Variants in TMPRSS9 observed in about 807,000 individuals in gnomAD.
TMPRSS9 encodes the protein transmembrane serine protease 9, also known as transmembrane protease serine 9.
Under a neutral mutation model 111.4 loss-of-function variants are expected in TMPRSS9, and 113 were observed. The ratio of observed to expected loss-of-function variants is 1.01; its 90% CI spans 0.87 to 1.19. The LOEUF (loss-of-function observed/expected upper bound fraction) is 1.19. Among genes scored for constraint, TMPRSS9 ranks in the 50% most tolerant of loss-of-function variants. The pLI is 0.00. For missense variants in TMPRSS9, 1,803 were observed against 1,513.1 expected (o/e 1.19, Z -3.18); for synonymous variants, 805 against 659.1 (o/e 1.22, Z -3.39).
intron 1 of TMPRSS9, among the ~76,000 whole-genome samples, chr19:2,368,783 T>TTTTTTTTTTTTG: frequency 9.2e-6 from 1 of 108,502 alleles, no homozygotes; most frequent in African/African-American, 4.8e-5. Flanking sequence ...AGTTTTTTTT[T>TTTTTTTTTTTTG]TTTTTTTTTT....
chr19:2,426,250 C>G (rs968882717), downstream of TMPRSS9: 2 of 379,392 alleles, frequency 5.3e-6, no homozygotes, highest in African/African-American at 7.6e-5. Context: ...TAAACACAGC[C>G]CCTCCACCCT....
At chr19:2,405,170 C>G (rs111236293) in intron 6 of TMPRSS9, among the ~76,000 whole-genome samples, 6,435 of 152,126 alleles carry the variant, frequency 0.042, 165 homozygotes, top group Non-Finnish European at 0.05. Flanking sequence ...AATGCTTGAC[C>G]TACGTGCCAG....
At chr19:2,420,555 C>A (rs1274127019) in intron 13 of TMPRSS9, among the ~76,000 whole-genome samples, 1 of 152,040 alleles carries the variant, frequency 6.6e-6, no homozygotes, top group Non-Finnish European at 1.5e-5. Context: ...CATTCACACA[C>A]AGTAGTTAAA....
chr19:2,386,399 G>A (rs1280529191), upstream of TMPRSS9, among the ~76,000 whole-genome samples: 1 of 152,070 alleles, frequency 6.6e-6, no homozygotes, highest in East Asian at 1.9e-4. Context: ...CAGCTACTTG[G>A]GAGGCTGAGG....
rs771305642 is a variant in TMPRSS9, at chr19:2,411,299, C to CAAAA, written c.1254+936_1254+939dup. ...TGGGCGACAAAGCAAGACTCTGTCT[C>CAAAA]AAAAAAAAAAAAAAAAAAAAAAAAA... is the stretch of plus-strand genomic sequence containing the variant. On this transcript the variant is annotated intron_variant, in intron 9 of 17. Transcript: ENST00000648592. 6.8e-4 allele frequency among the ~76,000 whole-genome samples: 22 copies of CAAAA among 32,318 alleles called. 1 individual carries two copies. Among genetic ancestry groups the CAAAA allele is most frequent in the East Asian group, 3.6e-3 (2 of 562 alleles). 21.2% of individuals were successfully genotyped at this position (32,318 alleles called of 152,430 possible).
Position 2,425,471 on chromosome 19 carries a change from AG to A in TMPRSS9, c.3101del (p.Gly1034ValfsTer25), listed in dbSNP as rs760348735. The A allele has an allele frequency of 1.8e-5, 29 of 1,590,386 alleles. No individual in the cohort carries two copies. The South Asian group carries it at 3.3e-4, about 18-fold the overall frequency. Reference sequence around the variant, plus strand: ...CGCATGCTGTGTGCCGGCTTCCCGCAGGGTGGCGTGGACAGCTGCTCGGTGA... The same window carrying A: ...CGCATGCTGTGTGCCGGCTTCCCGCAGGTGGCGTGGACAGCTGCTCGGTGA... On this transcript the variant is annotated frameshift_variant, in exon 17 of 18. Coordinates refer to ENST00000648592, the Ensembl canonical transcript of TMPRSS9. LOFTEE classifies it low-confidence loss of function (END_TRUNC).
At chr19:2,407,601 T>TTC (rs1970994055) in intron 7 of TMPRSS9, among the ~76,000 whole-genome samples, 1 of 131,094 alleles carries the variant, frequency 7.6e-6, no homozygotes, top group Non-Finnish European at 1.6e-5. Flanking sequence ...TTTTTTTCTT[T>TTC]TCTTTTCTTT....
At chr19:2,397,383 C>T (rs552424337) in intron 2 of TMPRSS9, among the ~76,000 whole-genome samples, 6 of 151,930 alleles carry the variant, frequency 3.9e-5, no homozygotes, top group South Asian at 4.2e-4. Flanking sequence ...CTCTGCCTCC[C>T]GGGTTCAAGC....
intron 9 of TMPRSS9, among the ~76,000 whole-genome samples, chr19:2,411,400 C>CTCT (rs756207648): frequency 4.0e-5 from 4 of 100,714 alleles, no homozygotes; most frequent in African/African-American, 1.1e-4. Context: ...TCTTCTTCTT[C>CTCT]TTTTTTTTTT....
exon 14 of TMPRSS9, chr19:2,422,007 T>C: frequency 3.1e-6 from 5 of 1,612,894 alleles, no homozygotes; most frequent in Non-Finnish European, 4.2e-6. Context: ...GGAGATCATG[T>C]CCTCCCAGCC....
exon 16 of TMPRSS9, chr19:2,425,087 A>ATCTACAAGCACCCGT: frequency 6.3e-7 from 1 of 1,580,650 alleles, no homozygotes; most frequent in African/African-American, 1.3e-5. Flanking sequence ...CGTGGCGCGC[A>ATCTACAAGCACCCGT]TCTACAAGCA....
chr19:2,373,284 G>T (rs982293676), intron 1 of TMPRSS9, among the ~76,000 whole-genome samples: 1 of 152,142 alleles, frequency 6.6e-6, no homozygotes, highest in African/African-American at 2.4e-5. Context: ...AGGCCGGAGT[G>T]CAATGGAGCA....
intron 17 of TMPRSS9, 44 bp downstream of exon 18, chr19:2,425,537 C>T: frequency 6.7e-7 from 1 of 1,485,248 alleles, no homozygotes; most frequent in Non-Finnish European, 8.9e-7. Flanking sequence ...CGCCCAGCCG[C>T]CGGGGAGGGC....
rs1971165674 is a variant in TMPRSS9, at chr19:2,414,104, T to C, written c.1573+86T>C. ...GGATATCGTCATAGTATCTTCATAATTTTGGATCTTCCTGTTCAAGGAAAG... is the reference window on the plus strand; with the variant it reads ...GGATATCGTCATAGTATCTTCATAACTTTGGATCTTCCTGTTCAAGGAAAG... On this transcript the variant is annotated intron_variant, in intron 10 of 17. Transcript: ENST00000648592. 4.4e-6 allele frequency: 6 copies of C among 1,371,466 alleles called. No homozygotes were observed. The East Asian group carries it at 1.5e-4, about 35-fold the overall frequency. The allele number at this position is 1,371,466 out of a possible 1,614,324, so 85.0% of individuals were successfully genotyped here. A position where few individuals can be genotyped will look rare whatever the true frequency, so the allele number is the denominator to read the frequency against.
At chr19:2,391,288 T>G (rs1599286781) in intron 1 of TMPRSS9, among the ~76,000 whole-genome samples, 1 of 120,870 alleles carries the variant, frequency 8.3e-6, no homozygotes. Context: ...ATGATGATAA[T>G]AAACAGCAAT....
intron 12 of TMPRSS9, 109 bp downstream of exon 13, chr19:2,416,918 C>T: frequency 7.5e-7 from 1 of 1,342,150 alleles, no homozygotes; most frequent in South Asian, 1.5e-5. Context: ...TTCCACTGCA[C>T]AGGGACCTCT....
At chr19:2,413,524 T>C (rs1041500743) in intron 9 of TMPRSS9, among the ~76,000 whole-genome samples, 176 bp from the exon 11 acceptor site, 1 of 152,152 alleles carries the variant, frequency 6.6e-6, no homozygotes, top group African/African-American at 2.4e-5. Context: ...TTTTTTTTCC[T>C]CCACAGAAGA....
chr19:2,403,107 C>T (rs759274615), exon 6 of TMPRSS9: 3 of 1,611,936 alleles, frequency 1.9e-6, no homozygotes, highest in Admixed American at 3.3e-5. Context: ...ACTCCTTTTC[C>T]TGCGGGAACA....
upstream of TMPRSS9, among the ~76,000 whole-genome samples, chr19:2,386,430 G>A: frequency 6.6e-6 from 1 of 151,798 alleles, no homozygotes; most frequent in Non-Finnish European, 1.5e-5. Context: ...GCGTGAACCT[G>A]GGAGGCGGAG....
Sources: gnomAD v4.1 joint callset for allele counts (sites outside exome capture counted in the v4.1 genomes callset) on GRCh38, gnomAD v4.1.1 for gene constraint, MANE v1.5 for transcripts, NCBI Gene and HGNC (gene_info 2026-07-23, HGNC 2026-07-21) for gene names.